ARL10: variants seen among roughly 807,000 people sequenced by gnomAD.
ARL10 encodes the protein ARF like GTPase 10.
Under a neutral mutation model 26.1 loss-of-function variants are expected in ARL10, and 23 were observed. The observed-to-expected ratio is 0.88, with a 90% CI of 0.63 to 1.25. The LOEUF (loss-of-function observed/expected upper bound fraction) is 1.25, where lower values mean the gene tolerates loss of function less well. Ranked by LOEUF, ARL10 falls within the 50% of genes most tolerant of loss-of-function variation. The probability of loss-of-function intolerance (pLI) is 0.00; values close to 1 mark genes in which losing one functional copy is unlikely to be tolerated. For synonymous variants in ARL10, 138 were observed against 149.1 expected (o/e 0.93, Z 0.54); for missense variants, 300 against 323.6 (o/e 0.93, Z 0.56).
chr5:176,367,275 C>T (rs1768349356), intron 2 of ARL10, among the ~76,000 whole-genome samples: 1 of 151,854 alleles, frequency 6.6e-6, no homozygotes, highest in African/African-American at 2.4e-5. Context: ...TCCCAAAGTG[C>T]TGGGATTACA....
At chr5:176,366,341 G>A (rs773994761) in intron 1 of ARL10, 39 bp from the exon 2 acceptor site, 7 of 1,567,270 alleles carry the variant, frequency 4.5e-6, no homozygotes, top group African/African-American at 1.3e-5. Flanking sequence ...GGTCCTTCGG[G>A]AGGCCGCCAG....
In ARL10 at chr5:176,368,459, G is replaced by A. The variant is rs1768402467; in HGVS notation, c.386-348G>A. On this transcript the variant is annotated intron_variant, in intron 2 of 3. Coordinates refer to ENST00000310389, the MANE Select transcript of ARL10 (RefSeq NM_173664.6). This position sits in a 1 kb window ranked among gnomAD's most constrained non-coding sequence, Gnocchi z 4.1. The stretch of plus-strand genomic sequence containing the variant: ...GCACCTGTGTGTCAGTCCCGTGAAA[G>A]GTACATCGCACGTGGTACCTGTGGG... 6.6e-6 allele frequency among the ~76,000 whole-genome samples: 1 copy of A among 152,090 alleles called. No individual in the cohort carries two copies. The highest frequency in any genetic ancestry group is 1.5e-5 in the Non-Finnish European group (1 of 68,030).
chr5:176,396,608 G>T, intron 1 of ARL10: 1 of 391,244 alleles, frequency 2.6e-6, no homozygotes, highest in Non-Finnish European at 4.3e-6. Context: ...CAGAAGGTTA[G>T]AGAGAGAGAG....
At chr5:176,414,305 T>C in the ARL10 span, among the ~76,000 whole-genome samples, 3 of 152,134 alleles carry the variant, frequency 2.0e-5, no homozygotes, top group Non-Finnish European at 4.4e-5. Context: ...CACGGCAGAT[T>C]CTGTATTGAG....
chr5:176,385,911 AAG>A (rs1007669437), downstream of ARL10: 1 of 152,598 alleles, frequency 6.6e-6, no homozygotes, highest in Admixed American at 6.5e-5. Context: ...CTCATCTAGA[AAG>A]AGAGAGAAAG....
chr5:176,389,110 G>A (rs1432493271), downstream of ARL10: 1 of 1,242,494 alleles, frequency 8.0e-7, no homozygotes, highest in Non-Finnish European at 1.1e-6. Context: ...GGCGGTGAGG[G>A]GCGAAACTGA....
chr5:176,367,537 G>A (rs1172741703), intron 2 of ARL10, among the ~76,000 whole-genome samples: 1 of 152,160 alleles, frequency 6.6e-6, no homozygotes, highest in South Asian at 2.1e-4. Context: ...CCCTTGGGGG[G>A]CTCCCCACCC....
At chr5:176,406,820 G>T, downstream of ARL10, 1 of 774,864 alleles carries the variant, frequency 1.3e-6, no homozygotes, top group Non-Finnish European at 1.8e-6. Context: ...GGCCAGACCT[G>T]CTATGCTCAA....
intron 1 of ARL10, chr5:176,397,834 A>AT (rs1325651668): frequency 2.0e-6 from 3 of 1,470,770 alleles, no homozygotes; most frequent in Non-Finnish European, 2.9e-6. Context: ...CCAGTCCCAC[A>AT]TTAAGGCATG....
chr5:176,388,783 C>G (rs765010863), downstream of ARL10: 3 of 1,602,274 alleles, frequency 1.9e-6, no homozygotes, highest in African/African-American at 2.7e-5. Context: ...AGGCTGAGGT[C>G]GGAGTCCCGA....
downstream of ARL10, chr5:176,392,705 G>T: frequency 2.6e-6 from 4 of 1,565,814 alleles, no homozygotes; most frequent in South Asian, 3.4e-5. This position sits in a 1 kb window ranked among gnomAD's most constrained non-coding sequence, Gnocchi z 5.2. Context: ...TCTCCACCCC[G>T]ACCAAAGCAG....
chr5:176,366,522 C>A lies in ARL10; in HGVS notation c.326C>A (p.Thr109Asn), dbSNP rs1768311578. The A allele has an allele frequency of 6.2e-7, 1 of 1,614,138 alleles. No individual in the cohort carries two copies. The highest frequency in any genetic ancestry group is 2.2e-5 in the East Asian group (1 of 44,882). Residue 109 changes from threonine to asparagine, a missense_variant, in exon 2 of 4, where the codon ACC becomes AAC. Transcript: ENST00000310389. ...GKPPLEGHIP[T>N]WGFNSVRLPT... ...CCACCGCTGGAAGGCCACATCCCCA[C>A]CTGGGGCTTCAACTCCGTGCGTCTG... is the stretch of plus-strand genomic sequence containing the variant.
At chr5:176,389,168 T>C (rs567447069), downstream of ARL10, among the ~76,000 whole-genome samples, 53 of 152,100 alleles carry the variant, frequency 3.5e-4, no homozygotes, top group Non-Finnish European at 5.0e-4. Flanking sequence ...GGGCCTAAGA[T>C]TGGGAGGACT....
downstream of ARL10, among the ~76,000 whole-genome samples, chr5:176,383,222 GA>G (rs113471891): frequency 5.2e-4 from 79 of 152,308 alleles, no homozygotes; most frequent in African/African-American, 1.8e-3. Flanking sequence ...ATGATCTATG[GA>G]AAAAACCAAG....
downstream of ARL10, chr5:176,386,738 A>G (rs2113590134): frequency 1.0e-6 from 1 of 1,001,524 alleles, no homozygotes; most frequent in Non-Finnish European, 1.6e-6. Flanking sequence ...CTCCCCTCTG[A>G]AACTTGGTTT....
chr5:176,411,927 A>G, the ARL10 span, among the ~76,000 whole-genome samples: 1 of 152,148 alleles, frequency 6.6e-6, no homozygotes, highest in East Asian at 1.9e-4. Flanking sequence ...CTGTAATCCC[A>G]GCACTTTGGG....
chr5:176,385,013 G>A, downstream of ARL10: 1 of 584,750 alleles, frequency 1.7e-6, no homozygotes, highest in South Asian at 2.2e-5. Context: ...TTATCTGTGA[G>A]TGAGACTGGA....
chr5:176,405,253 G>C (rs893060488), downstream of ARL10, among the ~76,000 whole-genome samples: 1 of 152,114 alleles, frequency 6.6e-6, no homozygotes, highest in African/African-American at 2.4e-5. Flanking sequence ...ACTTTGGGAG[G>C]CTGAGCAGGA....
downstream of ARL10, chr5:176,388,657 C>T: frequency 7.5e-7 from 1 of 1,326,896 alleles, no homozygotes; most frequent in East Asian, 2.3e-5. Flanking sequence ...GAAATGTAGT[C>T]CTTTTGTAGC....
Sources: allele counts gnomAD v4.1 joint callset (sites outside exome capture counted in the v4.1 genomes callset), GRCh38; gene constraint gnomAD v4.1.1; non-coding constraint Gnocchi (gnomAD v3.1); transcripts MANE v1.5; gene names NCBI Gene and HGNC (gene_info 2026-07-23, HGNC 2026-07-21).